GBP4: variants seen among roughly 807,000 people sequenced by gnomAD.
GBP4 encodes guanylate binding protein 4.
Under a neutral mutation model 62.2 loss-of-function variants are expected in GBP4, and 69 were observed. The observed-to-expected ratio is 1.11, with a 90% CI of 0.91 to 1.36. The LOEUF (loss-of-function observed/expected upper bound fraction) is 1.36. Ranked by LOEUF, GBP4 falls within the 40% of genes most tolerant of loss-of-function variation. The pLI, the probability that GBP4 is intolerant of heterozygous loss-of-function variation, is 0.00. For missense variants in GBP4, 697 were observed against 759.3 expected (o/e 0.92, Z 0.96); for synonymous variants, 278 against 274.6 (o/e 1.01, Z -0.12).
Position 89,196,717 on chromosome 1 carries a change from G to A in GBP4, c.235+393C>T, listed in dbSNP as rs536987152. Among the ~76,000 whole-genome samples the A allele has an allele frequency of 2.1e-3, 313 of 152,284 alleles. 1 individual carries two copies. Among genetic ancestry groups the A allele is most frequent in the African/African-American group, 7.2e-3 (299 of 41,546 alleles). On this transcript the variant is annotated intron_variant, in intron 2 of 10. Coordinates refer to ENST00000355754, the MANE Select transcript of GBP4 (RefSeq NM_052941.5). ...CCCAATTTAAATAGAGGATACACAA[G>A]AATTATAATGCCTGTCCTTCTTCAT...
intron 6 of GBP4, 135 bp from the exon 7 acceptor site, chr1:89,190,453 C>T (rs1648151649): frequency 3.2e-6 from 2 of 628,386 alleles, no homozygotes; most frequent in South Asian, 7.4e-5. Context: ...TCTCTTCCTC[C>T]TCCTTTTTCA....
chr1:89,191,345 T>G lies in GBP4; in HGVS notation c.832A>C (p.Met278Leu). Residue 278 changes from methionine to leucine, a missense_variant, in exon 6 of 11, where the codon ATG becomes CTG. Physicochemically the swap from Met to Leu is conservative, Grantham distance 15. Around this residue, in one of 2 missense-constraint regions of GBP4, gnomAD observed 556 missense variants for 562.7 expected, o/e 0.99. Coordinates refer to ENST00000355754, the MANE Select transcript of GBP4 (RefSeq NM_052941.5). ...TAAGAACAGAAGTTGTCTGATTGCA[T>G]AAGGAAATGCCTTTCCAGATTTTCT... The part of the protein sequence containing the change: ...PEENLERHFL[M>L]QSDNFCSYIF... 1 of 1,614,226 alleles carries G rather than the reference T, an allele frequency of 6.2e-7. No individual in the cohort carries two copies. Among genetic ancestry groups the G allele is most frequent in the Non-Finnish European group, 8.5e-7 (1 of 1,180,024 alleles).
rs200329667 is a variant in GBP4, at chr1:89,190,232, G to C, written c.1003C>G (p.Gln335Glu). Reference protein sequence around the residue: ...CLENAVTALAQLENPAAVQRA... With the variant: ...CLENAVTALAELENPAAVQRA... ...TGCACAGCCGCTGGGTTCTCAAGCT[G>C]GGCCAGTGCTGTCACTGCATTCTCC... Residue 335 changes from glutamine (Q) to glutamate (E), a missense_variant, in exon 7 of 11, where the codon CAG becomes GAG. Gln to Glu is a conservative substitution (Grantham distance 29). Coordinates refer to ENST00000355754, the MANE Select transcript of GBP4 (RefSeq NM_052941.5). 2 of 1,614,012 alleles carry C rather than the reference G, an allele frequency of 1.2e-6. No homozygotes were observed. Among genetic ancestry groups the C allele is most frequent in the African/African-American group, 2.7e-5 (2 of 74,928 alleles).
In GBP4 at chr1:89,197,158, G is replaced by C. The variant is rs763449970; in HGVS notation, c.187C>G (p.Arg63Gly). The part of the protein sequence containing the change: ...VVVVAIVGLY[R>G]TGKSYLMNRL... The stretch of plus-strand genomic sequence containing the variant: ...TTCATGAGATAGGATTTTCCTGTGC[G>C]GTATAGCCCTACAATGGCCACCACC... The change falls in exon 2 of 11, where the codon CGC becomes GGC. Residue 63 changes from arginine (R) to glycine (G), a missense_variant. Around this residue, in one of 2 missense-constraint regions of GBP4, gnomAD observed 556 missense variants for 562.7 expected, o/e 0.99. Coordinates refer to ENST00000355754, the MANE Select transcript of GBP4 (RefSeq NM_052941.5). 6.2e-7 allele frequency: 1 copy of C among 1,613,862 alleles called. No homozygotes were observed. Among genetic ancestry groups the C allele is most frequent in the Non-Finnish European group, 8.5e-7 (1 of 1,179,866 alleles).
intron 1 of GBP4, among the ~76,000 whole-genome samples, chr1:89,198,143 G>T (rs927136311): frequency 6.6e-6 from 1 of 152,128 alleles, no homozygotes; most frequent in African/African-American, 2.4e-5. Flanking sequence ...ATCACAAGGT[G>T]ATAGAAGCGG....
chr1:89,197,110 C>A lies in GBP4; in HGVS notation c.235G>T (p.Gly79Cys). The A allele has an allele frequency of 6.2e-7, 1 of 1,610,186 alleles. No homozygotes were observed. The highest frequency in any genetic ancestry group is 8.5e-7 in the Non-Finnish European group (1 of 1,177,624). The part of the protein sequence containing the change: ...LMNRLAGKRN[G>C]FPLGSTVQSE... The stretch of plus-strand genomic sequence containing the variant: ...GCTCCTGTCCTAGGACCACACTCAC[C>A]ATTGCGCTTTCCTGCAAGACGATTC... The change falls in exon 2 of 11, where the codon GGC (glycine) becomes TGC (cysteine). Residue 79 changes from glycine (G) to cysteine (C), a missense_variant and splice_region_variant. Gly to Cys is a radical substitution (Grantham distance 159). Transcript: ENST00000355754.
Position 89,197,221 on chromosome 1 carries a change from C to T in GBP4, c.124G>A (p.Ala42Thr). 6.2e-7 allele frequency: 1 copy of T among 1,614,120 alleles called. No homozygotes were observed. Among genetic ancestry groups the T allele is most frequent in the Non-Finnish European group, 8.5e-7 (1 of 1,179,992 alleles). Residue 42 changes from alanine to threonine, a missense_variant, in exon 2 of 11, where the codon GCA becomes ACA. Coordinates refer to ENST00000355754, the MANE Select transcript of GBP4 (RefSeq NM_052941.5). ...GAAATCTTGTCAAGAATCTCTAATGCCTTTGAATTCACTGTCAGCTGCTCT... is the reference window on the plus strand; with the variant it reads ...GAAATCTTGTCAAGAATCTCTAATGTCTTTGAATTCACTGTCAGCTGCTCT... ...QEEQLTVNSK[A>T]LEILDKISQP...
intron 2 of GBP4, 96 bp from the exon 3 acceptor site, chr1:89,195,520 T>G: frequency 6.9e-7 from 1 of 1,444,656 alleles, no homozygotes; most frequent in Non-Finnish European, 9.5e-7. Context: ...TTTAAGTGGC[T>G]GACAGGGGAA....
intron 8 of GBP4, 119 bp from the exon 9 acceptor site, chr1:89,187,221 G>C (rs1648059898): frequency 1.3e-6 from 1 of 766,404 alleles, no homozygotes; most frequent in Non-Finnish European, 2.2e-6. Context: ...TAATTCTTAA[G>C]ATCCAGTGGT....
At chr1:89,186,295 T>C (rs1435813704) in intron 10 of GBP4, 38 bp downstream of exon 10, 2 of 1,542,274 alleles carry the variant, frequency 1.3e-6, no homozygotes, top group Admixed American at 1.7e-5. Flanking sequence ...AAGCAGGGCA[T>C]TGTCCCTCAG....
In GBP4 at chr1:89,185,382, T is replaced by C; in HGVS notation, c.1795A>G (p.Ser599Gly). The C allele has an allele frequency of 6.3e-7, 1 of 1,597,262 alleles. No individual in the cohort carries two copies. Among genetic ancestry groups the C allele is most frequent in the Non-Finnish European group, 8.6e-7 (1 of 1,164,648 alleles). ...AGCCTTAACTGTTCATTTTTAGTGC[T>C]TTCAATTTTTTCTTTCAGTTGATTA... ...EINQLKEKIE[S>G]TKNEQLRLLK... Residue 599 changes from serine to glycine, a missense_variant, in exon 11 of 11, where the codon AGC becomes GGC. By Grantham distance (56) the Ser-to-Gly change is moderately conservative (BLOSUM62 0). Coordinates refer to ENST00000355754, the MANE Select transcript of GBP4 (RefSeq NM_052941.5).
At chr1:89,190,353 C>G in intron 6 of GBP4, 35 bp from the exon 7 acceptor site, 1 of 1,515,860 alleles carries the variant, frequency 6.6e-7, no homozygotes, top group Non-Finnish European at 8.9e-7. Flanking sequence ...ATTTACAGTT[C>G]TTACTCATTA....
At position 89,183,770 on chromosome 1, in the gene GBP4, T is replaced by A. The variant is rs1445512759; in HGVS notation, c.*1484A>T. The A allele has an allele frequency of 1.3e-5, 2 of 152,190 alleles. No individual in the cohort carries two copies. Among genetic ancestry groups the A allele is most frequent in the Non-Finnish European group, 2.9e-5 (2 of 68,054 alleles). The allele number at this position is 152,190 out of a possible 1,614,324, so 9.4% of individuals were successfully genotyped here. A position where few individuals can be genotyped will look rare whatever the true frequency, so the allele number is the denominator to read the frequency against. On this transcript the variant is annotated 3_prime_UTR_variant, in exon 11 of 11. Coordinates refer to ENST00000355754, the MANE Select transcript of GBP4 (RefSeq NM_052941.5). ...GTGTAAGCACCTGTAGTCCCAGCTA[T>A]GTGGGGGGTTGAGGTGAAAGGACTG... is the stretch of plus-strand genomic sequence containing the variant.
chr1:89,192,858 C>T, intron 5 of GBP4, 46 bp downstream of exon 5: 7 of 1,577,364 alleles, frequency 4.4e-6, no homozygotes, highest in Non-Finnish European at 6.1e-6. Context: ...CTTAGTTGAT[C>T]CTACCCCCCA....
intron 2 of GBP4, among the ~76,000 whole-genome samples, chr1:89,195,698 T>C (rs1382577522): frequency 1.3e-5 from 2 of 152,044 alleles, no homozygotes; most frequent in African/African-American, 4.8e-5. Flanking sequence ...GGGGAAGAAA[T>C]GGCTGCATGG....
intron 3 of GBP4, among the ~76,000 whole-genome samples, chr1:89,194,270 AG>A (rs748405338): frequency 3.3e-5 from 5 of 152,200 alleles, no homozygotes; most frequent in Non-Finnish European, 7.4e-5. Context: ...AAGACATGAA[AG>A]GGTTTTTAAA....
intron 1 of GBP4, among the ~76,000 whole-genome samples, chr1:89,197,984 A>G (rs750763593): frequency 6.6e-6 from 1 of 151,858 alleles, no homozygotes; most frequent in African/African-American, 2.4e-5. Flanking sequence ...AGAAGGGGCT[A>G]GATTTTCTTC....
Position 89,184,341 on chromosome 1 carries a change from AGGAATGCATATCCCAAG to A in GBP4, c.*896_*912del, listed in dbSNP as rs1647970409. On this transcript the variant is annotated 3_prime_UTR_variant, in exon 11 of 11. Coordinates refer to ENST00000355754, the MANE Select transcript of GBP4 (RefSeq NM_052941.5). ...AACTCAGCAATCCCATTATTCCCAA[AGGAATGCATATCCCAAG>A]GAAATATAAATCATTGTACCATAAA... 6.6e-6 allele frequency: 1 copy of A among 152,220 alleles called. No individual in the cohort carries two copies. The highest frequency in any genetic ancestry group is 2.4e-5 in the African/African-American group (1 of 41,460). The allele number at this position is 152,220 out of a possible 1,614,324, so 9.4% of individuals were successfully genotyped here.
chr1:89,191,327 A>G lies in GBP4; in HGVS notation c.850T>C (p.Cys284Arg). 6.2e-7 allele frequency: 1 copy of G among 1,614,234 alleles called. No homozygotes were observed. The highest frequency in any genetic ancestry group is 8.5e-7 in the Non-Finnish European group (1 of 1,180,026). ...TTTGCATGGGTGAAGATATAAGAAC[A>G]GAAGTTGTCTGATTGCATAAGGAAA... is the stretch of plus-strand genomic sequence containing the variant. The part of the protein sequence containing the change: ...RHFLMQSDNF[C>R]SYIFTHAKTK... The change falls in exon 6 of 11, where the codon TGT (cysteine) becomes CGT (arginine). Residue 284 changes from cysteine (C) to arginine (R), a missense_variant. By Grantham distance (180) the Cys-to-Arg change is radical. Coordinates refer to ENST00000355754, the MANE Select transcript of GBP4 (RefSeq NM_052941.5).
Sources: gnomAD v4.1 joint callset for allele counts (sites outside exome capture counted in the v4.1 genomes callset) on GRCh38, gnomAD v4.1.1 for gene constraint, gnomAD v4.1.1 regional missense constraint, MANE v1.5 for transcripts, NCBI Gene and HGNC (gene_info 2026-07-23, HGNC 2026-07-21) for gene names.